Variants in USP6NL observed in about 807,000 individuals in gnomAD.
The protein encoded by USP6NL is USP6 N-terminal like.
In USP6NL, 26 loss-of-function variants were observed where a neutral mutation model predicts 61.9. The ratio of observed to expected loss-of-function variants is 0.42; its 90% CI spans 0.31 to 0.58. The LOEUF is 0.58. Ranked by LOEUF, USP6NL falls within the 20% of genes least tolerant of loss-of-function variation. The pLI is 0.16. For synonymous variants in USP6NL, 432 were observed against 390.1 expected, an observed-to-expected ratio of 1.11 and a Z score of -1.27; for missense variants, 1,114 against 1,034.3, an observed-to-expected ratio of 1.08 and a Z score of -1.06.
At chr10:11,502,520 C>T (rs997580379) in intron 6 of USP6NL, among the ~76,000 whole-genome samples, 1 of 152,146 alleles carries the variant, frequency 6.6e-6, no homozygotes, top group Non-Finnish European at 1.5e-5. Context: ...CAGGTAAGAA[C>T]TAGTACTCTT....
In USP6NL at chr10:11,463,295, C is replaced by T. The variant is rs761255502; in HGVS notation, c.1633G>A (p.Gly545Ser). The change falls in exon 15 of 15, where the codon GGC (glycine) becomes AGC (serine). Residue 545 changes from glycine to serine, a missense_variant. By Grantham distance (56) the Gly-to-Ser change is moderately conservative (BLOSUM62 0). Coordinates refer to ENST00000609104, the MANE Select transcript of USP6NL (RefSeq NM_014688.5). The surrounding 1 kb of genome is among the most constrained non-coding windows in gnomAD (Gnocchi z 6.3). ...KALDAEDGKR[G>S]STASQYDNVP... ...TTGTCGTACTGCGATGCAGTGGAGCCCCGCTTCCCGTCCTCAGCATCCAGG... is the reference window on the plus strand; with the variant it reads ...TTGTCGTACTGCGATGCAGTGGAGCTCCGCTTCCCGTCCTCAGCATCCAGG... The T allele has an allele frequency of 6.2e-7, 1 of 1,613,854 alleles. No individual in the cohort carries two copies. The highest frequency in any genetic ancestry group is 1.3e-5 in the African/African-American group (1 of 75,054).
intron 2 of USP6NL, among the ~76,000 whole-genome samples, chr10:11,560,459 A>G (rs1836880453): frequency 6.6e-6 from 1 of 152,090 alleles, no homozygotes; most frequent in Non-Finnish European, 1.5e-5. Flanking sequence ...CTTACTAGTA[A>G]GGAGCAGAAT....
intron 6 of USP6NL, among the ~76,000 whole-genome samples, chr10:11,508,677 C>T (rs986530760): frequency 2.6e-5 from 4 of 152,294 alleles, no homozygotes; most frequent in African/African-American, 9.6e-5. Context: ...GTCTTATTAA[C>T]GTAACGAGCA....
intron 2 of USP6NL, among the ~76,000 whole-genome samples, chr10:11,568,975 G>A (rs1837265293): frequency 6.6e-6 from 1 of 152,224 alleles, no homozygotes; most frequent in Non-Finnish European, 1.5e-5. Flanking sequence ...AGAGAATGGA[G>A]ATTGGGTGGA....
rs932801432 is a variant in USP6NL, at chr10:11,595,481, T to C, written c.4+2150A>G. The stretch of plus-strand genomic sequence containing the variant: ...GCTGAGGCTACAGCTTATAAGAGGT[T>C]GCTGACCTAATGCCAGCTGACTCAG... On this transcript the variant is annotated intron_variant, in intron 2 of 14. Coordinates refer to ENST00000609104, the MANE Select transcript of USP6NL (RefSeq NM_014688.5). The surrounding 1 kb of genome is among the most constrained non-coding windows in gnomAD (Gnocchi z 5.3). Among the ~76,000 whole-genome samples the C allele has an allele frequency of 6.6e-6, 1 of 152,224 alleles. No individual in the cohort carries two copies. The highest frequency in any genetic ancestry group is 2.4e-5 in the African/African-American group (1 of 41,458).
chr10:11,488,982 C>T, intron 10 of USP6NL, 120 bp downstream of exon 10: 1 of 1,329,564 alleles, frequency 7.5e-7, no homozygotes, highest in South Asian at 1.7e-5. Flanking sequence ...TACTAATGAA[C>T]TCAACGAGCC....
At chr10:11,516,331 G>C (rs1383594593) in intron 5 of USP6NL, among the ~76,000 whole-genome samples, 1 of 152,180 alleles carries the variant, frequency 6.6e-6, no homozygotes, top group Non-Finnish European at 1.5e-5. Flanking sequence ...CATGCTTCAA[G>C]TGTATGCTCT....
chr10:11,516,057 A>G (rs1041850992), intron 5 of USP6NL, among the ~76,000 whole-genome samples: 1 of 152,222 alleles, frequency 6.6e-6, no homozygotes, highest in Non-Finnish European at 1.5e-5. Context: ...CAATAAACTC[A>G]AAGAAACAAT....
rs1392367194 is a variant in USP6NL at position 11,518,237 on chromosome 10, C to T, written c.195+298G>A. 6.6e-6 allele frequency among the ~76,000 whole-genome samples: 1 copy of T among 152,178 alleles called. No homozygotes were observed. Among genetic ancestry groups the T allele is most frequent in the African/African-American group, 2.4e-5 (1 of 41,436 alleles). ...TACCCAGAGAGGCTGATTTCACAGA[C>T]TGAGGTGGGAGCTGGGCAGCTGTGC... On this transcript the variant is annotated intron_variant, in intron 5 of 14. Transcript: ENST00000609104. The surrounding 1 kb of genome is among the most constrained non-coding windows in gnomAD (Gnocchi z 5.3).
chr10:11,537,837 C>T lies in USP6NL; in HGVS notation c.5-10270G>A, dbSNP rs17537423. Among the ~76,000 whole-genome samples the T allele has an allele frequency of 0.18, 27,182 of 151,920 alleles. 2,878 individuals carry two copies. The highest frequency in any genetic ancestry group is 0.24 in the South Asian group (1,177 of 4,820). ...GTAATGCTATTGCCCAAATGATTTC[C>T]CTTCCCGTCAGCTTCCCAGCTGCCA... On this transcript the variant is annotated intron_variant, in intron 2 of 14. Transcript: ENST00000609104. The surrounding 1 kb of genome is among the most constrained non-coding windows in gnomAD (Gnocchi z 5.1).
chr10:11,514,954 T>C (rs575378070), intron 5 of USP6NL, among the ~76,000 whole-genome samples: 1 of 152,346 alleles, frequency 6.6e-6, no homozygotes, highest in South Asian at 2.1e-4. Flanking sequence ...TTTCTTCCCA[T>C]GAGCTGTTTT....
intron 2 of USP6NL, chr10:11,563,516 G>A (rs1311588683): frequency 2.0e-5 from 3 of 151,880 alleles, no homozygotes; most frequent in Non-Finnish European, 1.5e-5. Context: ...CAATATCCTG[G>A]TTTGATATTT....
rs1478672537 is a variant in USP6NL at position 11,520,506 on chromosome 10, A to T, written c.156-1932T>A. On this transcript the variant is annotated intron_variant, in intron 4 of 14. Transcript: ENST00000609104. This position sits in a 1 kb window ranked among gnomAD's most constrained non-coding sequence, Gnocchi z 5.2. ...TAATGCCCAGAATACGTAAGTTGGC[A>T]TGCTGGAAGAGCTCAGTAAACGGTG... Among the ~76,000 whole-genome samples the T allele has an allele frequency of 6.6e-6, 1 of 152,238 alleles. No individual in the cohort carries two copies. Among genetic ancestry groups the T allele is most frequent in the Non-Finnish European group, 1.5e-5 (1 of 68,044 alleles).
rs142544461 is a variant in USP6NL, at chr10:11,553,041, C to T, written c.5-25474G>A. On this transcript the variant is annotated intron_variant, in intron 2 of 14. Transcript: ENST00000609104. The surrounding 1 kb of genome is among the most constrained non-coding windows in gnomAD (Gnocchi z 4.8). The stretch of plus-strand genomic sequence containing the variant: ...CTATGACTATGTGTACCCATTGTTT[C>T]GCTCCTACTTATAAGTGAGAACACT... 9.9e-5 allele frequency among the ~76,000 whole-genome samples: 15 copies of T among 152,232 alleles called. No individual in the cohort carries two copies. The East Asian group carries it at 2.7e-3, about 27-fold the overall frequency.
intron 13 of USP6NL, among the ~76,000 whole-genome samples, chr10:11,483,514 G>A (rs1833296814): frequency 1.0e-5 from 1 of 97,442 alleles, no homozygotes; most frequent in Non-Finnish European, 2.1e-5. Context: ...GAGGGAGAGA[G>A]GGAGAGGAGA....
At chr10:11,552,935 A>C (rs903612966) in intron 2 of USP6NL, among the ~76,000 whole-genome samples, 1 of 152,152 alleles carries the variant, frequency 6.6e-6, no homozygotes, top group Admixed American at 6.5e-5. Flanking sequence ...AATAAAGAAT[A>C]ATGTATCCAG....
intron 1 of USP6NL, among the ~76,000 whole-genome samples, chr10:11,599,176 G>A (rs1838426577): frequency 6.6e-6 from 1 of 152,202 alleles, no homozygotes; most frequent in South Asian, 2.1e-4. Context: ...GGTAGGACAT[G>A]TGGACCTGGA....
At position 11,553,682 on chromosome 10, in the gene USP6NL, G is replaced by GTC. The variant is rs780045077; in HGVS notation, c.5-26117_5-26116dup. On this transcript the variant is annotated intron_variant, in intron 2 of 14. Transcript: ENST00000609104. The surrounding 1 kb of genome is among the most constrained non-coding windows in gnomAD (Gnocchi z 4.8). ...GGCTGAGGTGGGTGGATTATCTGAG[G>GTC]TCAGGAGTTAAGAGACCAGCCTGAC... Among the ~76,000 whole-genome samples the GTC allele has an allele frequency of 1.3e-5, 2 of 152,012 alleles. No individual in the cohort carries two copies. The highest frequency in any genetic ancestry group is 2.9e-5 in the Non-Finnish European group (2 of 67,996).
chr10:11,521,254 T>A (rs1835193050), intron 4 of USP6NL, among the ~76,000 whole-genome samples: 1 of 149,830 alleles, frequency 6.7e-6, no homozygotes, highest in South Asian at 2.1e-4. Flanking sequence ...CCAGTCAAAA[T>A]TTATAGGATT....
Sources: allele counts gnomAD v4.1 joint callset (sites outside exome capture counted in the v4.1 genomes callset), GRCh38; gene constraint gnomAD v4.1.1; non-coding constraint Gnocchi (gnomAD v3.1); transcripts MANE v1.5; gene names NCBI Gene and HGNC (gene_info 2026-07-23, HGNC 2026-07-21).